PPP2R3B: variants seen among roughly 807,000 people sequenced by gnomAD.
PPP2R3B encodes protein phosphatase 2 regulatory subunit B''beta.
Under a neutral mutation model 72.9 loss-of-function variants are expected in PPP2R3B, and 68 were observed. The ratio of observed to expected loss-of-function variants is 0.93; its 90% CI spans 0.77 to 1.14. The LOEUF (loss-of-function observed/expected upper bound fraction) is 1.14, where lower values mean the gene tolerates loss of function less well. PPP2R3B is among the 50% of genes most tolerant of loss of function. PPP2R3B has a pLI of 0.00. For missense variants in PPP2R3B, 1,018 were observed against 842.0 expected, an observed-to-expected ratio of 1.21 and a Z score of -2.59; for synonymous variants, 466 against 375.8, an observed-to-expected ratio of 1.24 and a Z score of -2.78.
chrX:345,808 CG>C (rs1267341166), intron 6 of PPP2R3B, 136 bp from the exon 7 acceptor site: 8 of 126,148 alleles, frequency 6.3e-5, no homozygotes, highest in Admixed American at 1.5e-4. Context: ...CAGCTGGGGC[CG>C]GGGGGCACTC....
chrX:354,337 A>C (rs1348945431), intron 2 of PPP2R3B, among the ~76,000 whole-genome samples: 1 of 148,476 alleles, frequency 6.7e-6, no homozygotes, highest in Non-Finnish European at 1.5e-5. Context: ...GTCCTTCATG[A>C]CCACAGACGC....
intron 1 of PPP2R3B, among the ~76,000 whole-genome samples, chrX:369,431 ACT>A (rs1335461508): frequency 6.6e-6 from 1 of 152,168 alleles, no homozygotes; most frequent in Non-Finnish European, 1.5e-5. Context: ...CAGCTCCCTG[ACT>A]CATCACAATT....
intron 2 of PPP2R3B, among the ~76,000 whole-genome samples, chrX:353,638 A>G (rs2071373943): frequency 6.6e-6 from 1 of 152,276 alleles, no homozygotes; most frequent in African/African-American, 2.4e-5. Context: ...AGGAGACCGC[A>G]GGCCAGTCCT....
chrX:375,555 G>A (rs868724902), intron 1 of PPP2R3B, among the ~76,000 whole-genome samples: 1 of 143,548 alleles, frequency 7.0e-6, no homozygotes, highest in Admixed American at 6.8e-5. Flanking sequence ...CCCACGATGC[G>A]GGGCGCAAAC....
At chrX:378,271 A>C (rs1246403292) in intron 1 of PPP2R3B, among the ~76,000 whole-genome samples, 3 of 152,214 alleles carry the variant, frequency 2.0e-5, no homozygotes, top group African/African-American at 7.2e-5. Flanking sequence ...CAACCTCTAA[A>C]GGCTCCTAAA....
intron 2 of PPP2R3B, among the ~76,000 whole-genome samples, chrX:348,077 G>C (rs1007809021): frequency 6.6e-6 from 1 of 152,144 alleles, no homozygotes; most frequent in East Asian, 1.9e-4. Context: ...ACATCTCATG[G>C]AATGTGTGGG....
At chrX:339,403 G>C (rs1203761645) in intron 10 of PPP2R3B, among the ~76,000 whole-genome samples, 1 of 55,256 alleles carries the variant, frequency 1.8e-5, no homozygotes, top group Non-Finnish European at 3.5e-5. Flanking sequence ...TTGCCTTAGA[G>C]GGCACGGGGG....
At chrX:372,850 C>T (rs1940898017) in intron 1 of PPP2R3B, among the ~76,000 whole-genome samples, 1 of 152,196 alleles carries the variant, frequency 6.6e-6, no homozygotes, top group African/African-American at 2.4e-5. Flanking sequence ...ATCACTTGAA[C>T]CCAGGAGGTG....
At position 341,904 on chromosome X, in the gene PPP2R3B, A is replaced by T; in HGVS notation, c.1064T>A (p.Ile355Asn). The T allele has an allele frequency of 6.2e-7, 1 of 1,612,698 alleles. No homozygotes were observed. The highest frequency in any genetic ancestry group is 8.5e-7 in the Non-Finnish European group (1 of 1,179,752). ...GTACCGTGTGACTGCTCCTGAGAAGATCCTGTCTATCATCTTGGTAGAAAG... is the reference window on the plus strand; with the variant it reads ...GTACCGTGTGACTGCTCCTGAGAAGTTCCTGTCTATCATCTTGGTAGAAAG... The part of the protein sequence containing the change: ...HALSTKMIDR[I>N]FSGAVTRGRK... Residue 355 changes from isoleucine (I) to asparagine (N), a missense_variant, in exon 8 of 13, where the codon ATC (isoleucine) becomes AAC (asparagine). Ile to Asn is a moderately radical substitution (Grantham distance 149, BLOSUM62 -3). Coordinates refer to ENST00000390665, the MANE Select transcript of PPP2R3B (RefSeq NM_013239.5).
At chrX:341,265 G>C (rs1292917599) in intron 9 of PPP2R3B, 42 bp downstream of exon 9, 1 of 1,601,566 alleles carries the variant, frequency 6.2e-7, no homozygotes, top group Admixed American at 1.7e-5. Flanking sequence ...GCGGCTCCCG[G>C]CCCCTCCACT....
rs183394131 is a variant in PPP2R3B at position 334,789 on chromosome X, G to A, written c.1578-272C>T. ...TGAGCTACACACAGAGGACCTGGGC[G>A]GGCGCGCCTCTTCCCCAAAGCGAGC... On this transcript the variant is annotated intron_variant, in intron 12 of 12. Coordinates refer to ENST00000390665, the MANE Select transcript of PPP2R3B (RefSeq NM_013239.5). 4.8e-3 allele frequency: 1,914 copies of A among 397,046 alleles called. 19 individuals are homozygous for A. Among genetic ancestry groups the A allele is most frequent in the East Asian group, 0.031 (785 of 25,732 alleles). 24.6% of individuals were successfully genotyped at this position (397,046 alleles called of 1,614,324 possible).
intron 1 of PPP2R3B, among the ~76,000 whole-genome samples, chrX:385,328 T>C (rs1353619526): frequency 8.0e-5 from 10 of 124,414 alleles, no homozygotes; most frequent in East Asian, 4.3e-4. Context: ...TTCTTTTTTT[T>C]TTTTTTTTTT....
chrX:357,334 G>T (rs1431722376), intron 2 of PPP2R3B, among the ~76,000 whole-genome samples: 7 of 151,994 alleles, frequency 4.6e-5, no homozygotes, highest in Non-Finnish European at 8.8e-5. Flanking sequence ...TGAATCTTAG[G>T]GTGTGTAATT....
Position 338,756 on chromosome X carries a change from C to T in PPP2R3B, c.1470+22G>A, listed in dbSNP as rs756131126. On this transcript the variant is annotated intron_variant, in intron 11 of 12. Coordinates refer to ENST00000390665, the MANE Select transcript of PPP2R3B (RefSeq NM_013239.5). ...ACGTACACGGCGTGGCGCGGCCCGG[C>T]CCGCGTGCCCGCCGCACTCACCCTG... 16 of 1,611,678 alleles carry T rather than the reference C, an allele frequency of 9.9e-6. No homozygotes were observed. In the East Asian group the frequency reaches 3.3e-4, roughly 34 times the overall value.
At chrX:346,585 C>G in intron 5 of PPP2R3B, 116 bp downstream of exon 5, 3 of 1,021,260 alleles carry the variant, frequency 2.9e-6, no homozygotes, top group Non-Finnish European at 4.3e-6. Flanking sequence ...CCGCCTCCTC[C>G]GGAAGCTCAG....
In PPP2R3B at chrX:367,674, C is replaced by T. The variant is rs746080550; in HGVS notation, c.325-6084G>A. On this transcript the variant is annotated intron_variant, in intron 1 of 12. Coordinates refer to ENST00000390665, the MANE Select transcript of PPP2R3B (RefSeq NM_013239.5). ...CAGGAGACAGAGGTGCAGGATGAGA[C>T]GGTCACAGTCCATCACACGGATGAG... Among the ~76,000 whole-genome samples the T allele has an allele frequency of 2.2e-4, 34 of 152,300 alleles. No homozygotes were observed. In the Middle Eastern group the frequency reaches 0.01, roughly 46 times the overall value.
At chrX:355,607 CCA>C (rs2071419621) in intron 2 of PPP2R3B, among the ~76,000 whole-genome samples, 2 of 152,324 alleles carry the variant, frequency 1.3e-5, no homozygotes, top group South Asian at 4.1e-4. Context: ...ATCCGGCCCT[CCA>C]CACACGCACA....
chrX:334,054 T>A lies in PPP2R3B; in HGVS notation c.*313A>T. ...GGCGCCCGGGAGCCGCCGGTCACCG[T>A]TGTGCGCACACGGACCCTTTCCACA... On this transcript the variant is annotated 3_prime_UTR_variant, in exon 13 of 13. Coordinates refer to ENST00000390665, the MANE Select transcript of PPP2R3B (RefSeq NM_013239.5). The A allele has an allele frequency of 3.5e-6, 1 of 286,938 alleles. No individual in the cohort carries two copies. The highest frequency in any genetic ancestry group is 6.4e-6 in the Non-Finnish European group (1 of 155,138). 17.8% of individuals were successfully genotyped at this position (286,938 alleles called of 1,614,324 possible). A position where few individuals can be genotyped will look rare whatever the true frequency, so the allele number is the denominator to read the frequency against.
chrX:377,550 C>T (rs1463130497), intron 1 of PPP2R3B, among the ~76,000 whole-genome samples: 5 of 92,784 alleles, frequency 5.4e-5, no homozygotes, highest in African/African-American at 1.3e-4. Flanking sequence ...GGGCCGTCCA[C>T]ACCCAGTGGG....
Sources: allele counts gnomAD v4.1 joint callset (sites outside exome capture counted in the v4.1 genomes callset), GRCh38; gene constraint gnomAD v4.1.1; transcripts MANE v1.5; gene names NCBI Gene and HGNC (gene_info 2026-07-23, HGNC 2026-07-21).